Variants in TMEM38B observed in about 807,000 individuals in gnomAD.
TMEM38B encodes the protein transmembrane protein 38B, also known as trimeric intracellular cation channel type B.
Under a neutral mutation model 28.7 loss-of-function variants are expected in TMEM38B, and 24 were observed. That is an observed-to-expected ratio of 0.84 (90% CI 0.61 to 1.18). The LOEUF (loss-of-function observed/expected upper bound fraction) is 1.18. Among genes scored for constraint, TMEM38B ranks in the 50% most tolerant of loss-of-function variants. TMEM38B has a pLI of 0.00. For missense variants in TMEM38B, 380 were observed against 350.9 expected (o/e 1.08, Z -0.66); for synonymous variants, 131 against 127.7 (o/e 1.03, Z -0.17).
chr9:105,704,894 A>C (rs1340420886), intron 1 of TMEM38B, among the ~76,000 whole-genome samples: 2 of 152,002 alleles, frequency 1.3e-5, no homozygotes, highest in African/African-American at 4.8e-5. Flanking sequence ...ACTGCACTCC[A>C]GCCTGGGGAA....
intron 5 of TMEM38B, among the ~76,000 whole-genome samples, chr9:105,765,991 C>T (rs568841039): frequency 5.9e-5 from 9 of 151,974 alleles, no homozygotes; most frequent in East Asian, 3.9e-4. Context: ...TTAGTAGAGA[C>T]GGGGTTTCAC....
intron 4 of TMEM38B, among the ~76,000 whole-genome samples, chr9:105,735,344 G>A (rs1351907325): frequency 6.6e-6 from 1 of 152,006 alleles, no homozygotes; most frequent in Non-Finnish European, 1.5e-5. Flanking sequence ...ACAGCACTGG[G>A]GTATTTTGAG....
intron 2 of TMEM38B, among the ~76,000 whole-genome samples, chr9:105,720,564 C>G (rs113923347): frequency 1.4e-3 from 213 of 152,132 alleles, no homozygotes; most frequent in African/African-American, 4.9e-3. Flanking sequence ...GCTAAACAGA[C>G]TATTGTATCT....
intron 1 of TMEM38B, among the ~76,000 whole-genome samples, chr9:105,700,778 G>A (rs1175087930): frequency 6.6e-6 from 1 of 152,140 alleles, no homozygotes; most frequent in African/African-American, 2.4e-5. Flanking sequence ...TGGCAGCTGA[G>A]TTTTGCAATA....
chr9:105,715,835 T>A (rs1836080524), intron 2 of TMEM38B, among the ~76,000 whole-genome samples: 1 of 152,228 alleles, frequency 6.6e-6, no homozygotes, highest in Admixed American at 6.5e-5. Context: ...AATCATAGTT[T>A]ACAGTTTTGA....
chr9:105,763,394 C>T (rs1203591760), intron 5 of TMEM38B, among the ~76,000 whole-genome samples: 2 of 152,118 alleles, frequency 1.3e-5, no homozygotes, highest in Non-Finnish European at 2.9e-5. Context: ...GCTTTTAGGT[C>T]TAACGTTTAG....
At chr9:105,738,310 G>C (rs1301879079) in intron 4 of TMEM38B, among the ~76,000 whole-genome samples, 1 of 152,126 alleles carries the variant, frequency 6.6e-6, no homozygotes, top group East Asian at 1.9e-4. Flanking sequence ...TTGGAAGAGA[G>C]AAGTCCCTCC....
At chr9:105,769,797 T>C (rs1826489068) in intron 5 of TMEM38B, among the ~76,000 whole-genome samples, 1 of 152,196 alleles carries the variant, frequency 6.6e-6, no homozygotes. Context: ...TTGCAATTTA[T>C]AAGCTAATTT....
Position 105,694,587 on chromosome 9 carries a change from C to T in TMEM38B, c.-74C>T, listed in dbSNP as rs1448813702. The stretch of plus-strand genomic sequence containing the variant: ...GAGCGGGCGGCCGCGGCTGTGCCCT[C>T]TCCTACTCCTCACCGCGCGAGCGCG... On this transcript the variant is annotated 5_prime_UTR_variant, in exon 1 of 6. Coordinates refer to ENST00000374692, the MANE Select transcript of TMEM38B (RefSeq NM_018112.3). 4 of 1,279,992 alleles carry T rather than the reference C, an allele frequency of 3.1e-6. No individual in the cohort carries two copies. The highest frequency in any genetic ancestry group is 2.4e-5 in the East Asian group (1 of 42,518). 79.3% of individuals were successfully genotyped at this position (1,279,992 alleles called of 1,614,324 possible).
At chr9:105,713,769 T>G (rs1835994502) in intron 2 of TMEM38B, among the ~76,000 whole-genome samples, 1 of 152,140 alleles carries the variant, frequency 6.6e-6, no homozygotes, top group Admixed American at 6.5e-5. Flanking sequence ...TGCCTTTTCC[T>G]GGGCCCACCC....
At chr9:105,705,849 GT>G (rs1239361861) in intron 2 of TMEM38B, 96 bp downstream of exon 2, 2 of 1,327,182 alleles carry the variant, frequency 1.5e-6, no homozygotes, top group African/African-American at 3.0e-5. Flanking sequence ...AATATTTTAC[GT>G]GCTTGAAAAG....
intron 1 of TMEM38B, among the ~76,000 whole-genome samples, chr9:105,703,930 T>G (rs1835550707): frequency 6.6e-6 from 1 of 152,140 alleles, no homozygotes; most frequent in Non-Finnish European, 1.5e-5. Context: ...TTGAGTTCAT[T>G]GTAGATTCTG....
At chr9:105,741,668 A>C (rs1455272314) in intron 4 of TMEM38B, among the ~76,000 whole-genome samples, 3 of 152,214 alleles carry the variant, frequency 2.0e-5, no homozygotes, top group African/African-American at 7.2e-5. Context: ...TTTGCTGAGG[A>C]AATTTCCAAG....
At chr9:105,725,403 A>G (rs576985889) in intron 4 of TMEM38B, among the ~76,000 whole-genome samples, 8 of 150,748 alleles carry the variant, frequency 5.3e-5, no homozygotes, top group Middle Eastern at 3.4e-3. Context: ...GACTGTATGA[A>G]TTATCAACAA....
At chr9:105,717,772 C>T (rs1294890907) in intron 2 of TMEM38B, among the ~76,000 whole-genome samples, 3 of 152,014 alleles carry the variant, frequency 2.0e-5, no homozygotes, top group Non-Finnish European at 4.4e-5. Flanking sequence ...ATATTAATAT[C>T]TATATTTTAT....
At chr9:105,738,715 C>CTTTTTTTTTTT (rs71489351) in intron 4 of TMEM38B, among the ~76,000 whole-genome samples, 3 of 109,686 alleles carry the variant, frequency 2.7e-5, no homozygotes, top group African/African-American at 8.2e-5. Flanking sequence ...TAATTTTTTC[C>CTTTTTTTTTTT]TTTTTTTTTT....
chr9:105,718,789 A>G (rs930018132), intron 2 of TMEM38B, among the ~76,000 whole-genome samples: 3 of 152,178 alleles, frequency 2.0e-5, no homozygotes, highest in Admixed American at 2.0e-4. Flanking sequence ...TGTTTCCTAT[A>G]TATTTTTCTT....
chr9:105,723,711 T>G (rs1776479817), intron 4 of TMEM38B, among the ~76,000 whole-genome samples: 1 of 152,028 alleles, frequency 6.6e-6, no homozygotes, highest in Non-Finnish European at 1.5e-5. Context: ...TTTTTATTTT[T>G]GTAGAGATGG....
chr9:105,705,441 G>GCTTTAAAGGCTTTAAAGAA (rs1231950228), intron 1 of TMEM38B, among the ~76,000 whole-genome samples, 156 bp from the exon 2 acceptor site: 1 of 152,170 alleles, frequency 6.6e-6, no homozygotes, highest in African/African-American at 2.4e-5. Flanking sequence ...AGAATAAAAG[G>GCTTTAAAGGCTTTAAAGAA]TATGATTTTT....
Sources: allele counts gnomAD v4.1 joint callset (sites outside exome capture counted in the v4.1 genomes callset), GRCh38; gene constraint gnomAD v4.1.1; transcripts MANE v1.5; gene names NCBI Gene and HGNC (gene_info 2026-07-23, HGNC 2026-07-21).